STARD13: variants seen among roughly 807,000 people sequenced by gnomAD.
STARD13 encodes StAR related lipid transfer domain containing 13, also known as stAR-related lipid transfer protein 13.
In STARD13, 62 loss-of-function variants were observed where a neutral mutation model predicts 106.4. The ratio of observed to expected loss-of-function variants is 0.58; its 90% CI spans 0.48 to 0.72. The LOEUF (loss-of-function observed/expected upper bound fraction) is 0.72. STARD13 is among the 30% of genes least tolerant of loss of function. STARD13 has a pLI of 0.00. For missense variants in STARD13, 1,387 were observed against 1,424.0 expected, an observed-to-expected ratio of 0.97 and a Z score of 0.42; for synonymous variants, 565 against 553.0, an observed-to-expected ratio of 1.02 and a Z score of -0.31.
chr13:33,336,250 G>T (rs2077895897), intron 1 of STARD13: 1 of 152,192 alleles, frequency 6.6e-6, no homozygotes, highest in African/African-American at 2.4e-5. Context: ...TACAAATTCA[G>T]CATTTCATAT....
the STARD13 span, among the ~76,000 whole-genome samples, chr13:33,425,411 T>C: frequency 6.8e-6 from 1 of 147,856 alleles, no homozygotes; most frequent in Non-Finnish European, 1.5e-5. Flanking sequence ...TGCTGCTACA[T>C]TGGTGCCCTG....
At chr13:33,321,337 C>G (rs1893551537) in intron 1 of STARD13, among the ~76,000 whole-genome samples, 3 of 152,092 alleles carry the variant, frequency 2.0e-5, no homozygotes, top group African/African-American at 7.2e-5. Flanking sequence ...GAAACCCCGT[C>G]TCTACTAAAA....
At chr13:33,565,061 G>A in the STARD13 span, among the ~76,000 whole-genome samples, 9 of 146,714 alleles carry the variant, frequency 6.1e-5, 1 homozygote, top group Admixed American at 2.1e-4. Flanking sequence ...ACCAGAAGTC[G>A]TTATGTTTAG....
chr13:33,152,384 C>T (rs1003507886), intron 3 of STARD13, among the ~76,000 whole-genome samples: 1 of 148,648 alleles, frequency 6.7e-6, no homozygotes, highest in Non-Finnish European at 1.5e-5. Flanking sequence ...TTTGCTGACA[C>T]TATACCTGCT....
At chr13:33,336,175 A>T (rs1374991530) in intron 1 of STARD13, 1 of 152,256 alleles carries the variant, frequency 6.6e-6, no homozygotes, top group African/African-American at 2.4e-5. Flanking sequence ...GGGCTTCTCC[A>T]GAGTGATCTT....
the STARD13 span, among the ~76,000 whole-genome samples, chr13:33,502,943 T>C: frequency 6.6e-6 from 1 of 152,232 alleles, no homozygotes; most frequent in Non-Finnish European, 1.5e-5. Context: ...ATTGGAATAG[T>C]TTCAGAAGGA....
At chr13:33,497,511 G>T in the STARD13 span, among the ~76,000 whole-genome samples, 3 of 152,118 alleles carry the variant, frequency 2.0e-5, no homozygotes, top group Admixed American at 6.6e-5. Flanking sequence ...TGAGCCTTTA[G>T]TTCTAAATCA....
intron 1 of STARD13, among the ~76,000 whole-genome samples, chr13:33,173,743 CT>C (rs1236619638): frequency 6.6e-6 from 1 of 152,134 alleles, no homozygotes; most frequent in Non-Finnish European, 1.5e-5. Context: ...AGTGGATCAA[CT>C]TATAAACACC....
At chr13:33,618,469 TTTC>T in the STARD13 span, among the ~76,000 whole-genome samples, 4 of 149,248 alleles carry the variant, frequency 2.7e-5, no homozygotes. Context: ...ACTTAACAAA[TTTC>T]TTCTACCCAT....
chr13:33,650,736 A>G, the STARD13 span, among the ~76,000 whole-genome samples: 1 of 152,266 alleles, frequency 6.6e-6, no homozygotes, highest in Admixed American at 6.5e-5. Flanking sequence ...GATGATGTTA[A>G]TAAGTGGGCC....
intron 7 of STARD13, among the ~76,000 whole-genome samples, chr13:33,122,323 GC>G: frequency 6.6e-6 from 1 of 152,214 alleles, no homozygotes; most frequent in Non-Finnish European, 1.5e-5. Flanking sequence ...GCAGGCAACA[GC>G]CCCAGCTCCC....
chr13:33,119,234 T>C (rs1875880127), intron 7 of STARD13, among the ~76,000 whole-genome samples: 1 of 152,156 alleles, frequency 6.6e-6, no homozygotes, highest in Non-Finnish European at 1.5e-5. Flanking sequence ...AGTGAAATAA[T>C]ATGTCTGCTA....
the STARD13 span, among the ~76,000 whole-genome samples, chr13:33,437,662 A>T: frequency 6.6e-6 from 1 of 152,238 alleles, no homozygotes; most frequent in Non-Finnish European, 1.5e-5. Context: ...GACTGTAATT[A>T]AAAAACCCAA....
rs570476437 is a variant in STARD13 at position 33,126,159 on chromosome 13, G to A, written c.2004C>T (p.His668=). The change falls in exon 7 of 14, where the codon CAC becomes CAT. Residue 668 remains histidine, a synonymous_variant. Transcript: ENST00000336934. The stretch of plus-strand genomic sequence containing the variant: ...GCAGGGGCTGTCCCGTTCTTTGGAC[G>A]TGGACTATGAGAGGAACGCCAAAGA... ...KAVFGVPLIV[H]VQRTGQPLPQ... 92 of 1,614,108 alleles carry A rather than the reference G, an allele frequency of 5.7e-5. No homozygotes were observed. The highest frequency in any genetic ancestry group is 5.0e-4 in the Middle Eastern group (3 of 6,060).
At chr13:33,194,098 CAG>C (rs1886444870) in intron 1 of STARD13, among the ~76,000 whole-genome samples, 2 of 152,114 alleles carry the variant, frequency 1.3e-5, no homozygotes, top group African/African-American at 4.8e-5. Context: ...AAAAGAAAGA[CAG>C]AGTATTTGCT....
At chr13:33,501,247 T>A in the STARD13 span, among the ~76,000 whole-genome samples, 1 of 152,008 alleles carries the variant, frequency 6.6e-6, no homozygotes, top group African/African-American at 2.4e-5. Flanking sequence ...AGACTAGCTT[T>A]TGTATTTTTC....
chr13:33,113,499 C>G (rs1241046349), intron 8 of STARD13: 1 of 504,816 alleles, frequency 2.0e-6, no homozygotes, highest in Non-Finnish European at 3.9e-6. Context: ...CCTCTGACCT[C>G]ATTCCTAGAG....
the STARD13 span, among the ~76,000 whole-genome samples, chr13:33,360,847 G>C: frequency 7.0e-6 from 1 of 141,976 alleles, no homozygotes; most frequent in Non-Finnish European, 1.5e-5. Flanking sequence ...CCAGGCTGGA[G>C]TGCAGTGGCG....
the STARD13 span, among the ~76,000 whole-genome samples, chr13:33,662,127 TG>T: frequency 2.0e-5 from 3 of 151,536 alleles, no homozygotes; most frequent in Non-Finnish European, 4.4e-5. Flanking sequence ...CTGGGCGTGG[TG>T]GTGGGCGCCT....
Sources: gnomAD v4.1 joint callset for allele counts (sites outside exome capture counted in the v4.1 genomes callset) on GRCh38, gnomAD v4.1.1 for gene constraint, MANE v1.5 for transcripts, NCBI Gene and HGNC (gene_info 2026-07-23, HGNC 2026-07-21) for gene names.